Variants in ADCY10 observed in about 807,000 individuals in gnomAD.
ADCY10 encodes the protein adenylate cyclase type 10.
ADCY10 carries 156 observed loss-of-function variants against 183.3 expected under a neutral mutation model. The observed-to-expected ratio is 0.85, with a 90% CI of 0.75 to 0.97. The LOEUF (loss-of-function observed/expected upper bound fraction) is 0.97. Among genes scored for constraint, ADCY10 ranks in the 50% least tolerant of loss-of-function variants. The pLI, the probability that ADCY10 is intolerant of heterozygous loss-of-function variation, is 0.00. For synonymous variants in ADCY10, 645 were observed against 670.0 expected (o/e 0.96, Z 0.58); for missense variants, 1,745 against 1,934.3 (o/e 0.90, Z 1.84).
chr1:167,821,958 A>G lies in ADCY10; in HGVS notation c.4286+66T>C. ...ATGAATACTTTCTAAAAGATTTTTC[A>G]AGAACTCTTCCTTGGGATTCAACAT... On this transcript the variant is annotated intron_variant, in intron 30 of 32. Coordinates refer to ENST00000367851, the MANE Select transcript of ADCY10 (RefSeq NM_018417.6). 4.4e-6 allele frequency: 5 copies of G among 1,129,996 alleles called. No homozygotes were observed. The South Asian group carries it at 6.2e-5, about 14-fold the overall frequency. The allele number at this position is 1,129,996 out of a possible 1,614,324, so 70.0% of individuals were successfully genotyped here. A position where few individuals can be genotyped will look rare whatever the true frequency, so the allele number is the denominator to read the frequency against.
At position 167,818,843 on chromosome 1, in the gene ADCY10, G is replaced by A. The variant is rs1405709439; in HGVS notation, c.4287-576C>T. Among the ~76,000 whole-genome samples, 45 of 152,064 alleles carry A rather than the reference G, an allele frequency of 3.0e-4. 1 individual carries two copies. The highest frequency in any genetic ancestry group is 2.9e-3 in the Admixed American group (45 of 15,268). ...CTGTGCCACCATGCCCGGCCACTTTGGCTTTTTAAATTAAAAAGTGAGGGA... is the reference window on the plus strand; with the variant it reads ...CTGTGCCACCATGCCCGGCCACTTTAGCTTTTTAAATTAAAAAGTGAGGGA... On this transcript the variant is annotated intron_variant, in intron 30 of 32. Transcript: ENST00000367851.
rs760049390 is a variant in ADCY10 at position 167,823,083 on chromosome 1, G to T, written c.4093C>A (p.Leu1365Ile). ...AAGATGTGTTCCTGTGTTACAGAAA[G>T]CTCCCACAGCCGCCCCAGCACCTGG... ...LIQVLGRLWE[L>I]SVTQEHIFSK... Residue 1365 changes from leucine (L) to isoleucine (I), a missense_variant, in exon 29 of 33, where the codon CTT becomes ATT. Leu to Ile is a conservative substitution (Grantham distance 5). Coordinates refer to ENST00000367851, the MANE Select transcript of ADCY10 (RefSeq NM_018417.6). The T allele has an allele frequency of 1.9e-6, 3 of 1,614,124 alleles. No homozygotes were observed. Among genetic ancestry groups the T allele is most frequent in the Non-Finnish European group, 2.5e-6 (3 of 1,180,026 alleles).
At chr1:167,828,405 A>T (rs1348704861) in intron 26 of ADCY10, among the ~76,000 whole-genome samples, 1 of 152,248 alleles carries the variant, frequency 6.6e-6, no homozygotes, top group Non-Finnish European at 1.5e-5. Flanking sequence ...AAAAAGAATT[A>T]TCCTTTAACA....
At chr1:167,832,417 T>C (rs917115306) in intron 25 of ADCY10, among the ~76,000 whole-genome samples, 88 of 152,254 alleles carry the variant, frequency 5.8e-4, no homozygotes, top group African/African-American at 2.1e-3. Context: ...CTCATTATTA[T>C]TATAGTTATC....
At chr1:167,826,645 A>G (rs773660213) in intron 26 of ADCY10, among the ~76,000 whole-genome samples, 1 of 152,236 alleles carries the variant, frequency 6.6e-6, no homozygotes, top group Non-Finnish European at 1.5e-5. Context: ...GCAACTGCAA[A>G]TGTTCTAGAA....
In ADCY10 at chr1:167,880,572, TC is replaced by T; in HGVS notation, c.1057del (p.Glu353LysfsTer48). 6.2e-7 allele frequency: 1 copy of T among 1,613,968 alleles called. No individual in the cohort carries two copies. Among genetic ancestry groups the T allele is most frequent in the East Asian group, 2.2e-5 (1 of 44,866 alleles). Reference sequence around the variant, plus strand: ...ATGAGTGAGCTCGTCAGGTACCTTTTCCCCAGGGAAGCCAAAGACACAGAGG... The same window carrying T: ...ATGAGTGAGCTCGTCAGGTACCTTTTCCCAGGGAAGCCAAAGACACAGAGG... ...SFLCVFGFPG[E>X]KVPDELTHAL... On this transcript the variant is annotated frameshift_variant, in exon 10 of 33. Transcript: ENST00000367851. LOFTEE classifies it high-confidence loss of function.
chr1:167,880,240 G>T, intron 10 of ADCY10, 49 bp from the exon 11 acceptor site: 1 of 1,506,712 alleles, frequency 6.6e-7, no homozygotes, highest in Non-Finnish European at 9.2e-7. Flanking sequence ...AAGATAATGA[G>T]CGTAGAGAAA....
intron 30 of ADCY10, chr1:167,820,445 C>G: frequency 2.0e-6 from 1 of 504,912 alleles, no homozygotes. Flanking sequence ...CCACTAAAGT[C>G]TGAGCAGCAT....
Position 167,892,448 on chromosome 1 carries a change from G to A in ADCY10, c.828+1405C>T, listed in dbSNP as rs144564674. On this transcript the variant is annotated intron_variant, in intron 8 of 32. Transcript: ENST00000367851. ...GGTCTTATTTTCAACCCTCTTAGCT[G>A]TACCTCTTCACCAGGTAAACATTTT... Among the ~76,000 whole-genome samples, 495 of 152,224 alleles carry A rather than the reference G, an allele frequency of 3.3e-3. 2 individuals are homozygous for A. The highest frequency in any genetic ancestry group is 0.011 in the African/African-American group (468 of 41,528).
intron 11 of ADCY10, 53 bp from the exon 12 acceptor site, chr1:167,878,688 G>T: frequency 6.5e-7 from 1 of 1,547,620 alleles, no homozygotes. Flanking sequence ...GCATTGAACT[G>T]AATGTAATCT....
At position 167,893,850 on chromosome 1, in the gene ADCY10, T is replaced by C; in HGVS notation, c.828+3A>G. On this transcript the variant is annotated splice_donor_region_variant and intron_variant, in intron 8 of 32. Coordinates refer to ENST00000367851, the MANE Select transcript of ADCY10 (RefSeq NM_018417.6). ...AAGCCAGTAAATTCAATTTTGAAAA[T>C]ACCTGCTTCAAAATGCTTTCCATCA... The C allele has an allele frequency of 6.2e-7, 1 of 1,607,280 alleles. No homozygotes were observed. The highest frequency in any genetic ancestry group is 8.5e-7 in the Non-Finnish European group (1 of 1,174,762).
chr1:167,825,553 C>G (rs150831374), intron 26 of ADCY10, among the ~76,000 whole-genome samples: 20 of 152,032 alleles, frequency 1.3e-4, no homozygotes, highest in Non-Finnish European at 2.1e-4. Context: ...GAGGCTGAGA[C>G]GAGAGGTCAC....
intron 18 of ADCY10, among the ~76,000 whole-genome samples, chr1:167,853,549 C>A (rs1665654574): frequency 6.6e-6 from 1 of 152,154 alleles, no homozygotes; most frequent in South Asian, 2.1e-4. Context: ...CTCTATCTAG[C>A]CTTAATTCTC....
intron 19 of ADCY10, among the ~76,000 whole-genome samples, chr1:167,846,924 C>A (rs1043440149): frequency 6.6e-6 from 1 of 151,640 alleles, no homozygotes; most frequent in Admixed American, 6.6e-5. Flanking sequence ...TAAGCTAGTC[C>A]ATCCTCTTTT....
Position 167,832,999 on chromosome 1 carries a change from C to T in ADCY10, c.3581G>A (p.Ser1194Asn), listed in dbSNP as rs750947903. The T allele has an allele frequency of 1.9e-6, 3 of 1,613,844 alleles. No individual in the cohort carries two copies. The highest frequency in any genetic ancestry group is 3.3e-4 in the Middle Eastern group (2 of 5,992). Residue 1194 changes from serine to asparagine, a missense_variant, in exon 25 of 33, where the codon AGC becomes AAC. Transcript: ENST00000367851. ...FHYVNRQAQE[S>N]PPPGKKRLAQ... ...CTCCTTCCCTTACCCTGGAGGTGGG[C>T]TCTCTTGGGCCTGCCGATTCACATA...
intron 23 of ADCY10, among the ~76,000 whole-genome samples, chr1:167,835,023 T>C (rs1178612316): frequency 6.6e-6 from 1 of 152,220 alleles, no homozygotes; most frequent in Non-Finnish European, 1.5e-5. Context: ...TAGTGACATT[T>C]TTAACAGTTT....
chr1:167,867,169 C>T (rs1457715665), intron 14 of ADCY10, among the ~76,000 whole-genome samples: 2 of 152,158 alleles, frequency 1.3e-5, no homozygotes, highest in African/African-American at 4.8e-5. Flanking sequence ...GTGTTGGACT[C>T]AGTTTATTCT....
rs141221937 is a variant in ADCY10 at position 167,818,616 on chromosome 1, C to T, written c.4287-349G>A. ...GCAATGGCACAATCTTGGCTTACTG[C>T]AACCTCTGCCTCCTGGGTTCAAGTG... On this transcript the variant is annotated intron_variant, in intron 30 of 32. Coordinates refer to ENST00000367851, the MANE Select transcript of ADCY10 (RefSeq NM_018417.6). Among the ~76,000 whole-genome samples, 455 of 152,320 alleles carry T rather than the reference C, an allele frequency of 3.0e-3. 2 individuals are homozygous for T. The highest frequency in any genetic ancestry group is 6.9e-3 in the Admixed American group (106 of 15,302).
At chr1:167,851,386 C>T (rs1310461594) in intron 18 of ADCY10, among the ~76,000 whole-genome samples, 2 of 152,070 alleles carry the variant, frequency 1.3e-5, no homozygotes, top group Admixed American at 6.5e-5. Context: ...GGGGTTTTGT[C>T]ATGTTGCCCA....
Sources: gnomAD v4.1 joint callset for allele counts (sites outside exome capture counted in the v4.1 genomes callset) on GRCh38, gnomAD v4.1.1 for gene constraint, MANE v1.5 for transcripts, NCBI Gene and HGNC (gene_info 2026-07-23, HGNC 2026-07-21) for gene names.